MTM1: variants seen among roughly 807,000 people sequenced by gnomAD.
MTM1 encodes the protein myotubularin 1, also known as myotubularin.
In MTM1, 9 loss-of-function variants were observed where a neutral mutation model predicts 52.1. The observed-to-expected ratio is 0.17, with a 90% CI of 0.10 to 0.30. The LOEUF (loss-of-function observed/expected upper bound fraction) is 0.30. MTM1 is among the 10% of genes least tolerant of loss of function. The probability of loss-of-function intolerance (pLI) is 1.00; values close to 1 mark genes in which losing one functional copy is unlikely to be tolerated. For missense variants in MTM1, 277 were observed against 470.7 expected, an observed-to-expected ratio of 0.59 and a Z score of 3.81; for synonymous variants, 136 against 163.8, an observed-to-expected ratio of 0.83 and a Z score of 1.29.
chrX:150,612,315 C>T (rs1443305132), intron 4 of MTM1, among the ~76,000 whole-genome samples: 2 of 112,001 alleles, frequency 1.8e-5, no homozygotes, highest in Admixed American at 1.9e-4. Flanking sequence ...TGGATGCTCG[C>T]AGCCTTACAC....
At chrX:150,608,829 G>GATGATT (rs1163179432) in intron 4 of MTM1, among the ~76,000 whole-genome samples, 1 of 98,227 alleles carries the variant, frequency 1.0e-5, no homozygotes, top group African/African-American at 3.5e-5. Flanking sequence ...TGATGATGAT[G>GATGATT]ATTATTATTA....
At chrX:150,625,869 TG>T (rs1476823746) in intron 6 of MTM1, among the ~76,000 whole-genome samples, 1 of 112,683 alleles carries the variant, frequency 8.9e-6, no homozygotes, top group Non-Finnish European at 1.9e-5. Context: ...AACTTGCTCT[TG>T]GTAACTCTAA....
chrX:150,670,812 T>C (rs1299846849), intron 14 of MTM1, among the ~76,000 whole-genome samples: 4 of 111,465 alleles, frequency 3.6e-5, no homozygotes, highest in African/African-American at 1.3e-4. Context: ...CAGTACAGCA[T>C]TGAACACACT....
intron 4 of MTM1, among the ~76,000 whole-genome samples, chrX:150,612,057 C>T (rs782797900): frequency 1.2e-4 from 13 of 109,884 alleles, no homozygotes; most frequent in Non-Finnish European, 1.9e-4. Flanking sequence ...TAGCCAGGTG[C>T]GATGGCATGT....
chrX:150,584,904 CTATTTGTATTATTTG>C (rs2038755991), intron 1 of MTM1, among the ~76,000 whole-genome samples: 1 of 111,294 alleles, frequency 9.0e-6, no homozygotes, highest in Non-Finnish European at 1.9e-5. Flanking sequence ...AAGTATTTTT[CTATTTGTATTATTTG>C]TATTTGTATT....
In MTM1 at chrX:150,647,194, A is replaced by AATATATATATATATATATAT. The variant is rs59931479; in HGVS notation, c.867+1331_867+1350dup. Among the ~76,000 whole-genome samples the AATATATATATATATATATAT allele has an allele frequency of 3.3e-3, 278 of 83,752 alleles. 2 individuals carry two copies. Among genetic ancestry groups the AATATATATATATATATATAT allele is most frequent in the African/African-American group, 4.1e-3 (72 of 17,519 alleles). The allele number at this position is 83,752 out of a possible 115,157, so 72.7% of individuals were successfully genotyped here. ...TATCTTTCATATATATTTCAGGGTG[A>AATATATATATATATATATAT]ATATATATATATATATATATATATA... On this transcript the variant is annotated intron_variant, in intron 9 of 14. Coordinates refer to ENST00000370396, the MANE Select transcript of MTM1 (RefSeq NM_000252.3).
intron 6 of MTM1, among the ~76,000 whole-genome samples, chrX:150,619,393 C>T (rs1557413223): frequency 8.9e-6 from 1 of 112,166 alleles, no homozygotes; most frequent in Non-Finnish European, 1.9e-5. Context: ...AACAAACTCT[C>T]TGAGCCTAAA....
chrX:150,649,752 C>T lies in MTM1; in HGVS notation c.904C>T (p.His302Tyr), dbSNP rs781793723. 2 of 1,210,134 alleles carry T rather than the reference C, an allele frequency of 1.7e-6. No individual in the cohort carries two copies. The highest frequency in any genetic ancestry group is 4.4e-5 in the Admixed American group (2 of 45,964). The change falls in exon 10 of 15, where the codon CAT becomes TAT. Residue 302 changes from histidine to tyrosine, a missense_variant. Physicochemically the swap from His to Tyr is moderately conservative, Grantham distance 83. This residue lies in a region of MTM1 where 164 missense variants were observed against 283.3 expected (regional missense o/e 0.58). Coordinates refer to ENST00000370396, the MANE Select transcript of MTM1 (RefSeq NM_000252.3). ...AGGATATGAAAGTGATGATGCATAT[C>T]ATAACGCCGAACTTTTCTTCTTAGA... is the stretch of plus-strand genomic sequence containing the variant. ...GGGYESDDAY[H>Y]NAELFFLDIH...
chrX:150,647,194 AATATATATATAT>A (rs59931479), intron 9 of MTM1, among the ~76,000 whole-genome samples: 40,112 of 83,547 alleles, frequency 0.48, 7,091 homozygotes, highest in East Asian at 0.75. Context: ...TTTCAGGGTG[AATATATATATAT>A]ATATATATAT....
intron 14 of MTM1, among the ~76,000 whole-genome samples, chrX:150,669,510 C>T (rs782514614): frequency 1.2e-4 from 14 of 112,053 alleles, no homozygotes; most frequent in Non-Finnish European, 2.3e-4. Flanking sequence ...TCCTGTTTCT[C>T]CACAGCCTCG....
At chrX:150,603,420 C>T (rs1273071246) in intron 4 of MTM1, among the ~76,000 whole-genome samples, 10 of 111,306 alleles carry the variant, frequency 9.0e-5, no homozygotes, top group East Asian at 2.8e-4. Context: ...GGGTTAGGGG[C>T]GGGAGAGACT....
intron 1 of MTM1, among the ~76,000 whole-genome samples, chrX:150,569,545 T>G (rs2038328799): frequency 8.9e-6 from 1 of 111,830 alleles, no homozygotes; most frequent in Non-Finnish European, 1.9e-5. Flanking sequence ...CATTGTTCAT[T>G]TGTTTCCTGG....
At chrX:150,663,286 A>G (rs1375603987) in intron 13 of MTM1, 147 bp from the exon 14 acceptor site, 2 of 626,031 alleles carry the variant, frequency 3.2e-6, no homozygotes, top group African/African-American at 2.2e-5. Flanking sequence ...TCACTGGCCC[A>G]TGAGGCTTTT....
At chrX:150,601,669 T>C (rs1392775486) in intron 4 of MTM1, among the ~76,000 whole-genome samples, 2 of 112,205 alleles carry the variant, frequency 1.8e-5, no homozygotes, top group East Asian at 5.6e-4. Flanking sequence ...CACAGTGGCC[T>C]GCTTCTACCT....
chrX:150,588,933 TC>T (rs1332058365), intron 1 of MTM1, among the ~76,000 whole-genome samples: 2 of 112,095 alleles, frequency 1.8e-5, no homozygotes, highest in East Asian at 5.6e-4. Context: ...ACTGTTATGT[TC>T]CTTGGCCAAT....
chrX:150,626,932 C>T (rs181541866), intron 6 of MTM1, among the ~76,000 whole-genome samples: 45 of 111,174 alleles, frequency 4.0e-4, no homozygotes, highest in Non-Finnish European at 6.8e-4. Flanking sequence ...TCCTTCCTGC[C>T]TCCTCTAAGA....
At chrX:150,594,002 C>A (rs996309654) in intron 2 of MTM1, among the ~76,000 whole-genome samples, 5 of 110,947 alleles carry the variant, frequency 4.5e-5, no homozygotes, top group Non-Finnish European at 7.6e-5. Flanking sequence ...TATTAGTTTG[C>A]ATTTCTCTTG....
chrX:150,656,977 G>GT (rs782068624), intron 10 of MTM1, among the ~76,000 whole-genome samples: 2 of 111,197 alleles, frequency 1.8e-5, no homozygotes, highest in Non-Finnish European at 3.8e-5. Context: ...GAAACAACAG[G>GT]TGCTGGAGAG....
intron 10 of MTM1, among the ~76,000 whole-genome samples, chrX:150,651,217 C>T (rs1603197978): frequency 9.2e-6 from 1 of 108,272 alleles, no homozygotes; most frequent in Non-Finnish European, 1.9e-5. Flanking sequence ...TTTCAATTTA[C>T]AGAAAAATTG....
Sources: allele counts gnomAD v4.1 joint callset (sites outside exome capture counted in the v4.1 genomes callset), GRCh38; gene constraint gnomAD v4.1.1; regional missense constraint gnomAD v4.1.1; transcripts MANE v1.5; gene names NCBI Gene and HGNC (gene_info 2026-07-23, HGNC 2026-07-21).